CTNNBL1: variants seen among roughly 807,000 people sequenced by gnomAD.
CTNNBL1 encodes catenin beta like 1, also known as beta-catenin-like protein 1.
Under a neutral mutation model 72.7 loss-of-function variants are expected in CTNNBL1, and 31 were observed. The ratio of observed to expected loss-of-function variants is 0.43; its 90% CI spans 0.32 to 0.58. CTNNBL1 has a LOEUF of 0.58. Ranked by LOEUF, CTNNBL1 falls within the 20% of genes least tolerant of loss-of-function variation. CTNNBL1 has a pLI of 0.08. For missense variants in CTNNBL1, 534 were observed against 725.1 expected (o/e 0.74, Z 3.03); for synonymous variants, 240 against 267.3 (o/e 0.90, Z 1.00).
At chr20:37,733,666 G>A (rs1323627800) in intron 2 of CTNNBL1, among the ~76,000 whole-genome samples, 1 of 152,104 alleles carries the variant, frequency 6.6e-6, no homozygotes, top group East Asian at 1.9e-4. Flanking sequence ...TCACATTCAG[G>A]TCTCAGTTCA....
At chr20:37,799,861 G>A (rs946853776) in intron 10 of CTNNBL1, among the ~76,000 whole-genome samples, 1 of 152,128 alleles carries the variant, frequency 6.6e-6, no homozygotes, top group Non-Finnish European at 1.5e-5. Context: ...GATGGCCAAC[G>A]CTCTCTCTTT....
In CTNNBL1 at chr20:37,746,483, G is replaced by A; in HGVS notation, c.342G>A (p.Glu114=). Reference sequence around the variant, plus strand: ...TCCCTCCTAGGTTCATGGAATCCGAGCTGGACCTAAATGACATCATTCAGG... The same window carrying A: ...TCCCTCCTAGGTTCATGGAATCCGAACTGGACCTAAATGACATCATTCAGG... ...PDNPEKFMES[E]LDLNDIIQEM... Residue 114 remains glutamate (E), a synonymous_variant, in exon 4 of 16, where the codon GAG becomes GAA. Transcript: ENST00000361383. 1 of 1,613,720 alleles carries A rather than the reference G, an allele frequency of 6.2e-7. No individual in the cohort carries two copies. The highest frequency in any genetic ancestry group is 8.5e-7 in the Non-Finnish European group (1 of 1,179,740).
intron 11 of CTNNBL1, among the ~76,000 whole-genome samples, chr20:37,830,139 A>T (rs372989154): frequency 1.7e-4 from 23 of 138,930 alleles, no homozygotes; most frequent in Middle Eastern, 3.7e-3. Flanking sequence ...TTTTTTTTTT[A>T]AATTTTAACA....
chr20:37,777,439 G>A, intron 8 of CTNNBL1, 22 bp downstream of exon 8: 2 of 1,609,246 alleles, frequency 1.2e-6, no homozygotes, highest in Non-Finnish European at 1.7e-6. Context: ...TCTCAGTATT[G>A]ATATTCTGTT....
rs546672725 is a variant in CTNNBL1 at position 37,714,218 on chromosome 20, G to A, written c.31-18661G>A. Among the ~76,000 whole-genome samples the A allele has an allele frequency of 3.9e-5, 6 of 152,298 alleles. No homozygotes were observed. In the East Asian group the frequency reaches 1.2e-3, roughly 29 times the overall value. On this transcript the variant is annotated intron_variant, in intron 1 of 15. Coordinates refer to ENST00000361383, the MANE Select transcript of CTNNBL1 (RefSeq NM_030877.5). ...ACATACTTTTCTTATTGGACTGTGAGTTGCTCAAGGACAGTGACCAGATCA... is the reference window on the plus strand; with the variant it reads ...ACATACTTTTCTTATTGGACTGTGAATTGCTCAAGGACAGTGACCAGATCA...
At chr20:37,841,100 G>T (rs992273063) in intron 12 of CTNNBL1, among the ~76,000 whole-genome samples, 3 of 152,194 alleles carry the variant, frequency 2.0e-5, no homozygotes, top group Non-Finnish European at 4.4e-5. Context: ...GACTTTCATC[G>T]TTGCATATAT....
At chr20:37,870,740 A>T (rs1033879327) in intron 15 of CTNNBL1, among the ~76,000 whole-genome samples, 1 of 152,048 alleles carries the variant, frequency 6.6e-6, no homozygotes, top group African/African-American at 2.4e-5. Context: ...GACCCACCGC[A>T]CAGAAAGGCC....
chr20:37,774,916 T>C (rs2073560850), intron 7 of CTNNBL1, among the ~76,000 whole-genome samples: 1 of 152,220 alleles, frequency 6.6e-6, no homozygotes, highest in South Asian at 2.1e-4. Flanking sequence ...TTTTTCTTTT[T>C]TTCATGTCAG....
At position 37,803,006 on chromosome 20, in the gene CTNNBL1, A is replaced by G. The variant is rs755804123; in HGVS notation, c.1171A>G (p.Arg391Gly). ...TIFPLFMKSP[R>G]KIKKVGTTEK... is the part of the protein sequence containing the mutation. ...CTTTCCCCTCTTTATGAAATCTCCC[A>G]GGAAGATCAAGAAAGTGGGAACCAC... Residue 391 changes from arginine (R) to glycine (G), a missense_variant, in exon 11 of 16, where the codon AGG becomes GGG. Physicochemically the swap from Arg to Gly is moderately radical, Grantham distance 125. Transcript: ENST00000361383. The G allele has an allele frequency of 6.2e-6, 10 of 1,614,094 alleles. No homozygotes were observed. The highest frequency in any genetic ancestry group is 8.5e-6 in the Non-Finnish European group (10 of 1,179,994).
At chr20:37,843,254 T>A (rs955050261) in intron 13 of CTNNBL1, among the ~76,000 whole-genome samples, 2 of 152,262 alleles carry the variant, frequency 1.3e-5, no homozygotes. Flanking sequence ...CTCATTTTCC[T>A]TGTGATCTTG....
chr20:37,780,001 G>T (rs1266603838), intron 10 of CTNNBL1, among the ~76,000 whole-genome samples: 1 of 151,928 alleles, frequency 6.6e-6, no homozygotes, highest in African/African-American at 2.4e-5. Context: ...TCTAGGAAGG[G>T]GAGTAGAGAA....
At chr20:37,752,653 A>G (rs1347886628) in intron 4 of CTNNBL1, among the ~76,000 whole-genome samples, 1 of 151,894 alleles carries the variant, frequency 6.6e-6, no homozygotes, top group East Asian at 1.9e-4. Flanking sequence ...TAAGTGGGAT[A>G]TGGCTCCAAA....
intron 11 of CTNNBL1, among the ~76,000 whole-genome samples, chr20:37,831,209 C>T (rs949884244): frequency 3.9e-5 from 6 of 152,174 alleles, no homozygotes; most frequent in African/African-American, 1.4e-4. Flanking sequence ...CAGTTCTGAC[C>T]TCTTAACTTC....
At chr20:37,723,987 T>C (rs545967486) in intron 1 of CTNNBL1, among the ~76,000 whole-genome samples, 1 of 152,348 alleles carries the variant, frequency 6.6e-6, no homozygotes, top group East Asian at 1.9e-4. Flanking sequence ...GGAAAACTCA[T>C]TACTGCAACT....
At chr20:37,752,172 G>C (rs886901829) in intron 4 of CTNNBL1, among the ~76,000 whole-genome samples, 2 of 152,174 alleles carry the variant, frequency 1.3e-5, no homozygotes, top group Admixed American at 1.3e-4. Flanking sequence ...GGTGGTTGTA[G>C]CCTGCCTTGG....
At chr20:37,718,619 G>T (rs1480794018) in intron 1 of CTNNBL1, among the ~76,000 whole-genome samples, 1 of 152,132 alleles carries the variant, frequency 6.6e-6, no homozygotes, top group East Asian at 1.9e-4. Context: ...CCCGGACGGG[G>T]CGGCTGGCCA....
intron 10 of CTNNBL1, among the ~76,000 whole-genome samples, chr20:37,790,614 C>T (rs1039377405): frequency 6.6e-6 from 1 of 152,150 alleles, no homozygotes; most frequent in African/African-American, 2.4e-5. Flanking sequence ...ACAAAGTAAT[C>T]CTTCCAACAG....
intron 3 of CTNNBL1, among the ~76,000 whole-genome samples, chr20:37,741,436 A>G (rs2122614070): frequency 2.6e-5 from 4 of 152,368 alleles, no homozygotes; most frequent in Middle Eastern, 6.8e-3. Flanking sequence ...TCCTCACTAT[A>G]GGAAGATAAG....
intron 13 of CTNNBL1, among the ~76,000 whole-genome samples, chr20:37,850,420 T>C (rs1284111728): frequency 1.3e-5 from 2 of 152,134 alleles, no homozygotes; most frequent in Non-Finnish European, 2.9e-5. Context: ...ATAGCTTTAT[T>C]GTAGGGTCAT....
Sources: allele counts gnomAD v4.1 joint callset (sites outside exome capture counted in the v4.1 genomes callset), GRCh38; gene constraint gnomAD v4.1.1; transcripts MANE v1.5; gene names NCBI Gene and HGNC (gene_info 2026-07-23, HGNC 2026-07-21).